Variants in PPIP5K1 observed in about 807,000 individuals in gnomAD.
PPIP5K1 encodes the protein diphosphoinositol pentakisphosphate kinase 1.
A neutral mutation model predicts 27.7 loss-of-function variants in PPIP5K1; 6 were observed. That is an observed-to-expected ratio of 0.22 (90% CI 0.12 to 0.43). The LOEUF is 0.43. Ranked by LOEUF, PPIP5K1 falls within the 20% of genes least tolerant of loss-of-function variation. PPIP5K1 has a pLI of 1.00. For synonymous variants in PPIP5K1, 145 were observed against 242.6 expected (o/e 0.60, Z 3.74); for missense variants, 394 against 635.4 (o/e 0.62, Z 4.08).
At chr15:43,552,929 G>A (rs1269191708) in intron 30 of PPIP5K1, among the ~76,000 whole-genome samples, 2 of 152,094 alleles carry the variant, frequency 1.3e-5, no homozygotes, top group East Asian at 3.9e-4. Flanking sequence ...TGTAGTCCCA[G>A]CTACTCAGGA....
Position 43,534,641 on chromosome 15 carries a change from C to T in PPIP5K1, c.*33G>A. On this transcript the variant is annotated 3_prime_UTR_variant, in exon 32 of 32. Coordinates refer to ENST00000420765, the MANE Select transcript of PPIP5K1 (RefSeq NM_001394395.1). Reference sequence around the variant, plus strand: ...CTTGAGGAATACCCTCTCCAGGCAGCTGATCAATCACTTCAGGGACCACCC... The same window carrying T: ...CTTGAGGAATACCCTCTCCAGGCAGTTGATCAATCACTTCAGGGACCACCC... 4 of 1,498,998 alleles carry T rather than the reference C, an allele frequency of 2.7e-6. No homozygotes were observed. Among genetic ancestry groups the T allele is most frequent in the Non-Finnish European group, 3.6e-6 (4 of 1,123,010 alleles). The allele number at this position is 1,498,998 out of a possible 1,614,324, so 92.9% of individuals were successfully genotyped here. A position where few individuals can be genotyped will look rare whatever the true frequency, so the allele number is the denominator to read the frequency against.
chr15:43,545,106 A>C (rs572859294), intron 30 of PPIP5K1, among the ~76,000 whole-genome samples: 1 of 151,844 alleles, frequency 6.6e-6, no homozygotes, highest in Non-Finnish European at 1.5e-5. Context: ...TGAACCCAGG[A>C]GGCAGAGCTT....
At position 43,579,631 on chromosome 15, in the gene PPIP5K1, GTATA is replaced by G. The variant is rs1377430959; in HGVS notation, c.1062-515_1062-512del. On this transcript the variant is annotated intron_variant, in intron 10 of 31. Transcript: ENST00000420765. The stretch of plus-strand genomic sequence containing the variant: ...TGTGTGTGTGTGTGTGTGTGTGTGT[GTATA>G]TATATATATATATATATATTTTTTT... Among the ~76,000 whole-genome samples the G allele has an allele frequency of 8.9e-3, 317 of 35,674 alleles. 10 individuals carry two copies. The highest frequency in any genetic ancestry group is 1.0e-2 in the Non-Finnish European group (258 of 25,868). The allele number at this position is 35,674 out of a possible 152,430, so 23.4% of individuals were successfully genotyped here. A position where few individuals can be genotyped will look rare whatever the true frequency, so the allele number is the denominator to read the frequency against.
intron 30 of PPIP5K1, among the ~76,000 whole-genome samples, chr15:43,544,949 T>A (rs1211186818): frequency 2.0e-5 from 3 of 151,956 alleles, no homozygotes; most frequent in Non-Finnish European, 4.4e-5. Flanking sequence ...GAGGCAGAGG[T>A]GGGCAGATCA....
Position 43,558,780 on chromosome 15 carries a change from T to C in PPIP5K1, c.3556+15A>G, listed in dbSNP as rs1196119732. On this transcript the variant is annotated intron_variant, in intron 30 of 31. Transcript: ENST00000420765. ...GGGGGCAGAGAGAAGGGTAAAAAAA[T>C]AAGAATATCCCTACCTGCAGATGCC... is the stretch of plus-strand genomic sequence containing the variant. 1.9e-6 allele frequency: 3 copies of C among 1,613,222 alleles called. No individual in the cohort carries two copies. The highest frequency in any genetic ancestry group is 2.5e-6 in the Non-Finnish European group (3 of 1,179,964).
intron 30 of PPIP5K1, among the ~76,000 whole-genome samples, chr15:43,553,833 G>C (rs566857801): frequency 2.0e-5 from 3 of 151,810 alleles, no homozygotes; most frequent in Non-Finnish European, 4.4e-5. Context: ...TTTTAGTAGA[G>C]ATGGAGTTTC....
At chr15:43,558,497 A>G (rs1034559357) in intron 30 of PPIP5K1, among the ~76,000 whole-genome samples, 5 of 152,104 alleles carry the variant, frequency 3.3e-5, no homozygotes, top group Admixed American at 6.6e-5. Context: ...AAGTGCTGGG[A>G]TTACAGGCAT....
At chr15:43,567,118 GTT>G (rs148202516) in intron 26 of PPIP5K1, among the ~76,000 whole-genome samples, 38 of 96,934 alleles carry the variant, frequency 3.9e-4, no homozygotes, top group Admixed American at 7.5e-4. Flanking sequence ...GTTGTTTCGG[GTT>G]TTTTTTTTTT....
At position 43,539,515 on chromosome 15, in the gene PPIP5K1, A is replaced by G; in HGVS notation, c.3625T>C (p.Ser1209Pro). 1 of 1,609,948 alleles carries G rather than the reference A, an allele frequency of 6.2e-7. No individual in the cohort carries two copies. The highest frequency in any genetic ancestry group is 8.5e-7 in the Non-Finnish European group (1 of 1,177,892). Residue 1209 changes from serine (S) to proline (P), a missense_variant, in exon 31 of 32, where the codon TCA becomes CCA. Around this residue, in one of 4 missense-constraint regions of PPIP5K1, gnomAD observed 379 missense variants for 423.9 expected, o/e 0.89. Coordinates refer to ENST00000420765, the MANE Select transcript of PPIP5K1 (RefSeq NM_001394395.1). The part of the protein sequence containing the change: ...NPFSPPRTLH[S>P]PPLQLQQRSE... ...CGCTGCTGGAGTTGCAGGGGAGGTG[A>G]ATGAAGAGTACGTGGTGGAGAAAAT...
chr15:43,541,319 C>T (rs970976579), intron 30 of PPIP5K1, among the ~76,000 whole-genome samples: 1 of 152,048 alleles, frequency 6.6e-6, no homozygotes, highest in Non-Finnish European at 1.5e-5. Flanking sequence ...TACCATGCTG[C>T]CTAGGCTGAT....
chr15:43,552,288 A>C (rs983951382), intron 30 of PPIP5K1, among the ~76,000 whole-genome samples: 6 of 152,272 alleles, frequency 3.9e-5, no homozygotes, highest in African/African-American at 1.4e-4. Context: ...TTATAGCTAT[A>C]AAGTTCTCTC....
At chr15:43,542,494 T>A (rs1236489452) in intron 30 of PPIP5K1, among the ~76,000 whole-genome samples, 1 of 152,120 alleles carries the variant, frequency 6.6e-6, no homozygotes, top group East Asian at 1.9e-4. Context: ...TTTCACCATG[T>A]TGCCCAGGCT....
intron 30 of PPIP5K1, among the ~76,000 whole-genome samples, chr15:43,549,039 AAAAAAAAAAAAAAAAAAATAT>A (rs1362241157): frequency 1.4e-4 from 12 of 87,486 alleles, no homozygotes; most frequent in Admixed American, 3.6e-4. Flanking sequence ...AAAAAAAAAA[AAAAAAAAAAAAAAAAAAATAT>A]ATATATATAT....
rs1305183813 is a variant in PPIP5K1, at chr15:43,578,562, A to G, written c.1164-406T>C. On this transcript the variant is annotated intron_variant, in intron 11 of 31. Coordinates refer to ENST00000420765, the MANE Select transcript of PPIP5K1 (RefSeq NM_001394395.1). ...AAAAAAAAAAAAAAAAAAAAAAAGA[A>G]AGAAAAAGAAAAGGGAACTGAGATT... is the stretch of plus-strand genomic sequence containing the variant. Among the ~76,000 whole-genome samples, 5 of 117,986 alleles carry G rather than the reference A, an allele frequency of 4.2e-5. 1 individual carries two copies. Among genetic ancestry groups the G allele is most frequent in the African/African-American group, 2.7e-5 (1 of 37,130 alleles). 77.4% of individuals were successfully genotyped at this position (117,986 alleles called of 152,430 possible).
intron 30 of PPIP5K1, among the ~76,000 whole-genome samples, chr15:43,550,915 T>C (rs1192101971): frequency 6.6e-6 from 1 of 152,264 alleles, no homozygotes; most frequent in Non-Finnish European, 1.5e-5. Context: ...ACCAGTTTTC[T>C]TGTATTGAAT....
At chr15:43,558,282 T>C (rs2083283347) in intron 30 of PPIP5K1, among the ~76,000 whole-genome samples, 1 of 150,560 alleles carries the variant, frequency 6.6e-6, no homozygotes, top group Non-Finnish European at 1.5e-5. Flanking sequence ...GGCCGGAGTG[T>C]AGTGGTGTGA....
chr15:43,558,239 T>A (rs1200244482), intron 30 of PPIP5K1, among the ~76,000 whole-genome samples: 1 of 151,352 alleles, frequency 6.6e-6, no homozygotes, highest in Admixed American at 6.6e-5. Flanking sequence ...GTATTTTTTT[T>A]TTTTTTTGAG....
In PPIP5K1 at chr15:43,552,535, A is replaced by G. The variant is rs188972341; in HGVS notation, c.3556+6260T>C. On this transcript the variant is annotated intron_variant, in intron 30 of 31. Coordinates refer to ENST00000420765, the MANE Select transcript of PPIP5K1 (RefSeq NM_001394395.1). ...GGTGAAACTCTGTCTCTATAAAAAA[A>G]AAAAAAAAAAGAAAAAAAAAAGAAA... Among the ~76,000 whole-genome samples, 85 of 148,732 alleles carry G rather than the reference A, an allele frequency of 5.7e-4. 1 individual carries two copies. The East Asian group carries it at 0.011, about 19-fold the overall frequency.
chr15:43,541,489 G>T (rs1180447757), intron 30 of PPIP5K1, among the ~76,000 whole-genome samples: 3 of 152,084 alleles, frequency 2.0e-5, no homozygotes, highest in Admixed American at 1.3e-4. Context: ...GGCCGAGGCG[G>T]GTAGATCACC....
Sources: gnomAD v4.1 joint callset for allele counts (sites outside exome capture counted in the v4.1 genomes callset) on GRCh38, gnomAD v4.1.1 for gene constraint, gnomAD v4.1.1 regional missense constraint, MANE v1.5 for transcripts, NCBI Gene and HGNC (gene_info 2026-07-23, HGNC 2026-07-21) for gene names.